Variants in LRRC8D observed in about 807,000 individuals in gnomAD.
LRRC8D encodes the protein volume-regulated anion channel subunit LRRC8D.
Under a neutral mutation model 55.8 loss-of-function variants are expected in LRRC8D, and 20 were observed. The observed-to-expected ratio is 0.36, with a 90% CI of 0.25 to 0.52. LRRC8D has a LOEUF of 0.52. Among genes scored for constraint, LRRC8D ranks in the 20% least tolerant of loss-of-function variants. The pLI is 0.93. For missense variants in LRRC8D, 651 were observed against 1,030.8 expected (o/e 0.63, Z 5.05); for synonymous variants, 352 against 377.0 (o/e 0.93, Z 0.77).
chr1:89,885,110 T>TC (rs1393205021), intron 2 of LRRC8D, among the ~76,000 whole-genome samples: 5 of 152,210 alleles, frequency 3.3e-5, no homozygotes, highest in African/African-American at 1.2e-4. Context: ...GTACCATCTG[T>TC]CTGCTGCCTA....
intron 2 of LRRC8D, among the ~76,000 whole-genome samples, chr1:89,921,082 G>A (rs1223842108): frequency 2.0e-5 from 3 of 152,220 alleles, no homozygotes; most frequent in African/African-American, 7.2e-5. Context: ...AAAAATTACA[G>A]GCCAGATGTG....
intron 2 of LRRC8D, among the ~76,000 whole-genome samples, chr1:89,897,580 A>G (rs1012100026): frequency 1.3e-5 from 2 of 152,224 alleles, no homozygotes; most frequent in East Asian, 1.9e-4. Context: ...TGCTGTGTCT[A>G]TACACACGCA....
At chr1:89,926,801 AAAG>A (rs1411125142) in intron 2 of LRRC8D, among the ~76,000 whole-genome samples, 4 of 152,354 alleles carry the variant, frequency 2.6e-5, no homozygotes, top group Non-Finnish European at 4.4e-5. Flanking sequence ...CATGAGAAAT[AAAG>A]AAGAAAAGGT....
At chr1:89,825,148 G>A (rs983135305) in intron 1 of LRRC8D, among the ~76,000 whole-genome samples, 1 of 152,162 alleles carries the variant, frequency 6.6e-6, no homozygotes, top group African/African-American at 2.4e-5. Context: ...GAGAGGAATG[G>A]AGGATGACTT....
At chr1:89,891,383 G>C (rs1351980476) in intron 2 of LRRC8D, among the ~76,000 whole-genome samples, 1 of 152,194 alleles carries the variant, frequency 6.6e-6, no homozygotes, top group Non-Finnish European at 1.5e-5. Flanking sequence ...TTTATTACTG[G>C]TGGTGATAAC....
At chr1:89,857,870 C>G (rs1290350091) in intron 2 of LRRC8D, among the ~76,000 whole-genome samples, 1 of 152,220 alleles carries the variant, frequency 6.6e-6, no homozygotes, top group Non-Finnish European at 1.5e-5. Flanking sequence ...AGTAGAATGT[C>G]TTTTTGCTCT....
chr1:89,870,739 C>T (rs930750881), intron 2 of LRRC8D, among the ~76,000 whole-genome samples: 1 of 152,094 alleles, frequency 6.6e-6, no homozygotes, highest in Non-Finnish European at 1.5e-5. Flanking sequence ...CCATCTAGTC[C>T]CAACATTGTC....
intron 2 of LRRC8D, among the ~76,000 whole-genome samples, chr1:89,875,210 T>G (rs1257720999): frequency 6.6e-6 from 1 of 152,250 alleles, no homozygotes; most frequent in Non-Finnish European, 1.5e-5. Context: ...CTGTTGGATT[T>G]TTTTTAACAT....
intron 2 of LRRC8D, among the ~76,000 whole-genome samples, chr1:89,892,664 G>T (rs1010117352): frequency 6.6e-6 from 1 of 152,068 alleles, no homozygotes; most frequent in Non-Finnish European, 1.5e-5. Flanking sequence ...GGCTATAGGC[G>T]CCCGCCAACA....
At chr1:89,823,393 A>G (rs1468296503) in intron 1 of LRRC8D, among the ~76,000 whole-genome samples, 1 of 152,160 alleles carries the variant, frequency 6.6e-6, no homozygotes, top group East Asian at 1.9e-4. Flanking sequence ...CTTAATTTTT[A>G]TATTATGCAG....
At chr1:89,845,844 C>T (rs903523658) in intron 2 of LRRC8D, among the ~76,000 whole-genome samples, 6 of 151,530 alleles carry the variant, frequency 4.0e-5, no homozygotes, top group East Asian at 1.9e-4. Context: ...TGCAATGGTG[C>T]GATCTTGGCT....
intron 2 of LRRC8D, among the ~76,000 whole-genome samples, chr1:89,897,169 T>C (rs557016292): frequency 5.1e-4 from 77 of 152,352 alleles, no homozygotes; most frequent in Middle Eastern, 6.8e-3. Context: ...ACATCTCTCT[T>C]GGCTATGCTA....
At chr1:89,897,723 G>GAA (rs1303317728) in intron 2 of LRRC8D, among the ~76,000 whole-genome samples, 1 of 150,584 alleles carries the variant, frequency 6.6e-6, no homozygotes, top group African/African-American at 2.4e-5. Flanking sequence ...TTAATAACCT[G>GAA]AAAAAAAAAC....
At chr1:89,891,809 G>A (rs1409497376) in intron 2 of LRRC8D, among the ~76,000 whole-genome samples, 1 of 152,168 alleles carries the variant, frequency 6.6e-6, no homozygotes, top group Non-Finnish European at 1.5e-5. Flanking sequence ...TAGCTCATCT[G>A]TCTGCAAGAG....
At chr1:89,838,272 G>A (rs893524588) in intron 1 of LRRC8D, among the ~76,000 whole-genome samples, 1 of 152,014 alleles carries the variant, frequency 6.6e-6, no homozygotes, top group Non-Finnish European at 1.5e-5. Context: ...CTACTGGGGA[G>A]GCTAAGGTGG....
At chr1:89,931,830 C>T (rs916312255) in intron 2 of LRRC8D, among the ~76,000 whole-genome samples, 1 of 151,958 alleles carries the variant, frequency 6.6e-6, no homozygotes, top group East Asian at 1.9e-4. Context: ...ACATGCATTC[C>T]CAAAACTCTT....
chr1:89,913,286 G>A (rs1291497779), intron 2 of LRRC8D, among the ~76,000 whole-genome samples: 1 of 152,218 alleles, frequency 6.6e-6, no homozygotes, highest in African/African-American at 2.4e-5. Flanking sequence ...GCTAAACTGG[G>A]TGGTGATGGT....
At chr1:89,905,150 C>CA (rs1268145654) in intron 2 of LRRC8D, among the ~76,000 whole-genome samples, 1 of 152,168 alleles carries the variant, frequency 6.6e-6, no homozygotes, top group Non-Finnish European at 1.5e-5. Context: ...TAAGTTTTCA[C>CA]CTGTGTCATT....
intron 2 of LRRC8D, among the ~76,000 whole-genome samples, chr1:89,895,548 A>C (rs1662685763): frequency 6.6e-6 from 1 of 151,942 alleles, no homozygotes; most frequent in South Asian, 2.1e-4. Flanking sequence ...TTAAAGATGT[A>C]CTGTTTGTTT....
Sources: allele counts gnomAD v4.1 joint callset (sites outside exome capture counted in the v4.1 genomes callset), GRCh38; gene constraint gnomAD v4.1.1; transcripts MANE v1.5; gene names NCBI Gene and HGNC (gene_info 2026-07-23, HGNC 2026-07-21).